The following MAPK10 variants were observed in gnomAD, a reference collection of about 807,000 sequenced individuals.
The protein encoded by MAPK10 is JNK3 alpha protein kinase.
Under a neutral mutation model 59.3 loss-of-function variants are expected in MAPK10, and 25 were observed. The observed-to-expected ratio is 0.42, with a 90% CI of 0.31 to 0.59. The LOEUF is 0.59. Among genes scored for constraint, MAPK10 ranks in the 20% least tolerant of loss-of-function variants. The pLI, the probability that MAPK10 is intolerant of heterozygous loss-of-function variation, is 0.15. For missense variants in MAPK10, 351 were observed against 568.9 expected, an observed-to-expected ratio of 0.62 and a Z score of 3.90; for synonymous variants, 190 against 200.5, an observed-to-expected ratio of 0.95 and a Z score of 0.44.
At chr4:86,065,762 G>A (rs2046620756) in intron 10 of MAPK10, among the ~76,000 whole-genome samples, 1 of 151,968 alleles carries the variant, frequency 6.6e-6, no homozygotes, top group Non-Finnish European at 1.5e-5. Context: ...AAGTTGAACC[G>A]TGAAAATATT....
At chr4:86,464,595 G>A (rs756758338) in intron 1 of MAPK10, among the ~76,000 whole-genome samples, 32 of 152,236 alleles carry the variant, frequency 2.1e-4, no homozygotes, top group Admixed American at 3.3e-4. Flanking sequence ...GCTGAGGCAG[G>A]CAGATCACGA....
intron 1 of MAPK10, chr4:86,358,262 T>C: frequency 3.0e-6 from 3 of 985,394 alleles, no homozygotes; most frequent in Non-Finnish European, 3.6e-6. Flanking sequence ...TTACTGCAAC[T>C]ATTTTAAATA....
At position 86,101,894 on chromosome 4, in the gene MAPK10, C is replaced by T. The variant is rs764026939; in HGVS notation, c.564G>A (p.Arg188=). Residue 188 remains arginine, a splice_region_variant and synonymous_variant, in exon 7 of 14, where the codon AGG becomes AGA. Coordinates refer to ENST00000641462, the MANE Select transcript of MAPK10 (RefSeq NM_138982.4). Reference sequence around the variant, plus strand: ...GTAATCCTAGAGAAGGTGTTCTTACCCTGTGAATAATTCCAGCAGAATGGA... The same window carrying T: ...GTAATCCTAGAGAAGGTGTTCTTACTCTGTGAATAATTCCAGCAGAATGGA... ...KHLHSAGIIH[R]DLKPSNIVVK... is the part of the protein sequence containing the mutation. 13 of 1,613,628 alleles carry T rather than the reference C, an allele frequency of 8.1e-6. No homozygotes were observed. Among genetic ancestry groups the T allele is most frequent in the African/African-American group, 2.7e-5 (2 of 74,894 alleles).
At chr4:86,431,831 C>T (rs914683702) in intron 1 of MAPK10, among the ~76,000 whole-genome samples, 2 of 152,056 alleles carry the variant, frequency 1.3e-5, no homozygotes, top group Admixed American at 6.5e-5. Context: ...CCATGGGACC[C>T]GTGTTTAAAA....
At chr4:86,075,156 A>G (rs372923759) in intron 9 of MAPK10, among the ~76,000 whole-genome samples, 2 of 151,654 alleles carry the variant, frequency 1.3e-5, no homozygotes, top group South Asian at 2.1e-4. Flanking sequence ...ATCTTCCATC[A>G]CTGATACCCT....
At chr4:86,295,472 C>A (rs1370154145) in intron 2 of MAPK10, among the ~76,000 whole-genome samples, 1 of 152,008 alleles carries the variant, frequency 6.6e-6, no homozygotes, top group Non-Finnish European at 1.5e-5. Flanking sequence ...GCGTCCCTTC[C>A]CTACATTATA....
chr4:86,184,692 G>A (rs2077740422), intron 3 of MAPK10, among the ~76,000 whole-genome samples: 1 of 152,054 alleles, frequency 6.6e-6, no homozygotes, highest in South Asian at 2.1e-4. Context: ...CACCTTCCCT[G>A]CTTTCTCTCT....
At chr4:86,073,288 T>C (rs867857547) in intron 9 of MAPK10, among the ~76,000 whole-genome samples, 8 of 150,506 alleles carry the variant, frequency 5.3e-5, no homozygotes, top group African/African-American at 2.0e-4. Flanking sequence ...CTCTCTTTTT[T>C]TCTTTATTAG....
intron 1 of MAPK10, among the ~76,000 whole-genome samples, chr4:86,403,709 G>C (rs966221279): frequency 2.0e-5 from 3 of 152,082 alleles, no homozygotes; most frequent in African/African-American, 7.2e-5. Context: ...CAGGGGAAAT[G>C]CCAGATGCTA....
intron 1 of MAPK10, among the ~76,000 whole-genome samples, chr4:86,444,913 G>A (rs780043338): frequency 1.4e-4 from 21 of 152,110 alleles, no homozygotes; most frequent in Middle Eastern, 3.2e-3. Flanking sequence ...AAAAAGTCAA[G>A]AAACAACACA....
chr4:86,043,957 A>G (rs1016875261), intron 11 of MAPK10, among the ~76,000 whole-genome samples: 1 of 152,182 alleles, frequency 6.6e-6, no homozygotes, highest in African/African-American at 2.4e-5. Context: ...AACTGAATAC[A>G]ATGTCTGTGT....
Position 86,013,354 on chromosome 4 carries a change from G to A in MAPK10, c.*3874C>T, listed in dbSNP as rs1463085770. ...AAATGTGTGTGGGGGATTGTGAGTG[G>A]GGAGTTGGGTTCCTCTTTGGATGCA... is the stretch of plus-strand genomic sequence containing the variant. On this transcript the variant is annotated 3_prime_UTR_variant, in exon 14 of 14. Coordinates refer to ENST00000641462, the MANE Select transcript of MAPK10 (RefSeq NM_138982.4). 6.6e-6 allele frequency: 1 copy of A among 152,164 alleles called. No homozygotes were observed. The highest frequency in any genetic ancestry group is 1.5e-5 in the Non-Finnish European group (1 of 68,036). The allele number at this position is 152,164 out of a possible 1,614,324, so 9.4% of individuals were successfully genotyped here.
chr4:86,025,025 G>A (rs1749478159), intron 13 of MAPK10: 1 of 152,468 alleles, frequency 6.6e-6, no homozygotes, highest in South Asian at 2.1e-4. Flanking sequence ...CTTGTTTCAT[G>A]GGAATGGTTC....
intron 1 of MAPK10, among the ~76,000 whole-genome samples, chr4:86,390,437 T>C (rs910298926): frequency 1.3e-5 from 2 of 152,166 alleles, no homozygotes; most frequent in African/African-American, 4.8e-5. Flanking sequence ...TATAGTTCCA[T>C]ACCCTCCCCT....
At chr4:86,370,231 T>TG (rs1042694931) in intron 1 of MAPK10, among the ~76,000 whole-genome samples, 8 of 152,148 alleles carry the variant, frequency 5.3e-5, no homozygotes, top group Admixed American at 1.3e-4. Flanking sequence ...ATAATAAACT[T>TG]GAAGAAATTT....
chr4:86,019,183 C>T (rs531232330), intron 13 of MAPK10, among the ~76,000 whole-genome samples: 1 of 152,120 alleles, frequency 6.6e-6, no homozygotes, highest in Non-Finnish European at 1.5e-5. Context: ...AACTGTTAAA[C>T]TTTTCATATA....
chr4:86,050,811 A>G (rs2043368386), intron 11 of MAPK10, among the ~76,000 whole-genome samples: 1 of 152,190 alleles, frequency 6.6e-6, no homozygotes, highest in Non-Finnish European at 1.5e-5. Flanking sequence ...TTGCTGTACT[A>G]TGAAAACAGC....
At chr4:86,477,147 C>T (rs1057056675) in intron 1 of MAPK10, among the ~76,000 whole-genome samples, 1 of 152,126 alleles carries the variant, frequency 6.6e-6, no homozygotes, top group African/African-American at 2.4e-5. Context: ...AAGTCCATCC[C>T]CTTCTTAATC....
Position 86,329,194 on chromosome 4 carries a change from T to C in MAPK10, c.-7+25336A>G, listed in dbSNP as rs145239868. ...AAACTTCTGTGCTTTATAAATTATC[T>C]GGTCTGTGGTATTCTGTTATAGAAG... On this transcript the variant is annotated intron_variant, in intron 2 of 13. Coordinates refer to ENST00000641462, the MANE Select transcript of MAPK10 (RefSeq NM_138982.4). Among the ~76,000 whole-genome samples, 61 of 152,286 alleles carry C rather than the reference T, an allele frequency of 4.0e-4. No individual in the cohort carries two copies. The Middle Eastern group carries it at 0.01, about 25-fold the overall frequency.
Sources: gnomAD v4.1 joint callset for allele counts (sites outside exome capture counted in the v4.1 genomes callset) on GRCh38, gnomAD v4.1.1 for gene constraint, MANE v1.5 for transcripts, NCBI Gene and HGNC (gene_info 2026-07-23, HGNC 2026-07-21) for gene names.